The following GPATCH2 variants were observed in gnomAD, a reference collection of about 807,000 sequenced individuals.
GPATCH2 encodes G-patch domain containing 2.
A neutral mutation model predicts 58.0 loss-of-function variants in GPATCH2; 51 were observed. The ratio of observed to expected loss-of-function variants is 0.88; its 90% CI spans 0.70 to 1.11. GPATCH2 has a LOEUF of 1.11. GPATCH2 is among the 50% of genes most tolerant of loss of function. The pLI is 0.00. For missense variants in GPATCH2, 625 were observed against 652.2 expected (o/e 0.96, Z 0.45); for synonymous variants, 222 against 218.5 (o/e 1.02, Z -0.14).
intron 2 of GPATCH2, among the ~76,000 whole-genome samples, chr1:217,615,264 T>C (rs1237358697): frequency 2.0e-5 from 3 of 152,042 alleles, no homozygotes; most frequent in African/African-American, 7.2e-5. Context: ...TTCGATTTCT[T>C]AAAAAATAAA....
At chr1:217,567,068 C>CG (rs1666282243) in intron 5 of GPATCH2, among the ~76,000 whole-genome samples, 1 of 112,930 alleles carries the variant, frequency 8.9e-6, no homozygotes, top group Admixed American at 1.0e-4. Flanking sequence ...TTTTTTGAGA[C>CG]GGAGTTTTGC....
At chr1:217,586,327 T>C (rs1667338616) in intron 5 of GPATCH2, among the ~76,000 whole-genome samples, 2 of 152,210 alleles carry the variant, frequency 1.3e-5, no homozygotes, top group Non-Finnish European at 2.9e-5. Context: ...TTTTCTTCCT[T>C]TATATTCTTG....
intron 5 of GPATCH2, among the ~76,000 whole-genome samples, chr1:217,544,394 A>C (rs546521182): frequency 1.4e-5 from 2 of 147,910 alleles, no homozygotes; most frequent in African/African-American, 5.3e-5. Context: ...CTCTGTTCCA[A>C]AAACAAACAA....
intron 5 of GPATCH2, among the ~76,000 whole-genome samples, chr1:217,520,073 A>G (rs1663374262): frequency 6.6e-6 from 1 of 152,188 alleles, no homozygotes; most frequent in Non-Finnish European, 1.5e-5. Context: ...TAAAGTAAAA[A>G]TGTGTTTATA....
In GPATCH2 at chr1:217,577,241, GTTATC is replaced by G. The variant is rs1233541611; in HGVS notation, c.1098+33075_1098+33079del. On this transcript the variant is annotated intron_variant, in intron 5 of 9. Coordinates refer to ENST00000366935, the MANE Select transcript of GPATCH2 (RefSeq NM_018040.5). ...AATTCCCCAATCAAATTTTGAAAAT[GTTATC>G]TTTTCTTAAAAAGTAAGAATAATAC... Among the ~76,000 whole-genome samples, 8 of 152,248 alleles carry G rather than the reference GTTATC, an allele frequency of 5.3e-5. No individual in the cohort carries two copies. The South Asian group carries it at 1.7e-3, about 32-fold the overall frequency.
intron 8 of GPATCH2, among the ~76,000 whole-genome samples, chr1:217,455,407 A>G (rs945678811): frequency 5.9e-5 from 9 of 151,990 alleles, no homozygotes; most frequent in Admixed American, 6.6e-5. Context: ...TCTTGACTCT[A>G]TGTTGATTAA....
At chr1:217,559,470 A>G (rs1440357129) in intron 5 of GPATCH2, among the ~76,000 whole-genome samples, 1 of 152,218 alleles carries the variant, frequency 6.6e-6, no homozygotes, top group Non-Finnish European at 1.5e-5. Context: ...AGCTGGCTAC[A>G]GTCCTATTTC....
intron 5 of GPATCH2, among the ~76,000 whole-genome samples, chr1:217,538,309 T>C (rs1664575516): frequency 6.6e-6 from 1 of 152,234 alleles, no homozygotes; most frequent in Non-Finnish European, 1.5e-5. Flanking sequence ...ATTACATCAA[T>C]CTTGTTTAAG....
At chr1:217,455,436 C>A (rs1367143122) in intron 8 of GPATCH2, among the ~76,000 whole-genome samples, 1 of 152,180 alleles carries the variant, frequency 6.6e-6, no homozygotes, top group Non-Finnish European at 1.5e-5. Context: ...CACATGTAGT[C>A]TGAGGCTCTA....
chr1:217,443,816 T>G (rs1455261649), intron 9 of GPATCH2, among the ~76,000 whole-genome samples: 1 of 152,224 alleles, frequency 6.6e-6, no homozygotes, highest in African/African-American at 2.4e-5. Flanking sequence ...ATTCAGTGAT[T>G]TGCACAGTTT....
chr1:217,501,466 T>A (rs910186261), intron 6 of GPATCH2, among the ~76,000 whole-genome samples: 1 of 151,988 alleles, frequency 6.6e-6, no homozygotes, highest in African/African-American at 2.4e-5. Context: ...TGACCAAGAG[T>A]GCAATTGCTG....
chr1:217,518,956 C>T (rs1026672704), intron 5 of GPATCH2, among the ~76,000 whole-genome samples: 3 of 152,210 alleles, frequency 2.0e-5, no homozygotes, highest in African/African-American at 7.2e-5. Flanking sequence ...ACTGCCTCAG[C>T]CTCCCGGCCA....
Position 217,610,966 on chromosome 1 carries a change from T to C in GPATCH2, c.941A>G (p.Asp314Gly). Reference protein sequence around the residue: ...WWEKEDPTELDKNVPDPVFES... With the variant: ...WWEKEDPTELGKNVPDPVFES... ...AAAGACAGGATCTGGTACATTTTTG[T>C]CTAGCTCAGTAGGATCTTCCTTTTC... The change falls in exon 4 of 10, where the codon GAC becomes GGC. Residue 314 changes from aspartate to glycine, a missense_variant. Asp to Gly is a moderately conservative substitution (Grantham distance 94). Transcript: ENST00000366935. The C allele has an allele frequency of 6.2e-7, 1 of 1,613,590 alleles. No homozygotes were observed. Among genetic ancestry groups the C allele is most frequent in the South Asian group, 1.1e-5 (1 of 91,068 alleles).
At chr1:217,625,351 G>A (rs1010067698) in intron 1 of GPATCH2, among the ~76,000 whole-genome samples, 1 of 152,118 alleles carries the variant, frequency 6.6e-6, no homozygotes, top group Non-Finnish European at 1.5e-5. Context: ...AGATGCTTTA[G>A]TCCTAACTTA....
At chr1:217,432,888 ATAC>A (rs1366260890) in intron 9 of GPATCH2, among the ~76,000 whole-genome samples, 4 of 152,176 alleles carry the variant, frequency 2.6e-5, no homozygotes, top group African/African-American at 9.7e-5. Context: ...TAGGCCTCCT[ATAC>A]TACACTTTCC....
At chr1:217,536,415 C>G (rs1038534637) in intron 5 of GPATCH2, among the ~76,000 whole-genome samples, 6 of 152,180 alleles carry the variant, frequency 3.9e-5, no homozygotes, top group Non-Finnish European at 7.4e-5. Context: ...GTGCCAGAAA[C>G]TGCCATTCTT....
At chr1:217,511,445 G>C (rs890820065) in intron 6 of GPATCH2, among the ~76,000 whole-genome samples, 1 of 152,192 alleles carries the variant, frequency 6.6e-6, no homozygotes, top group African/African-American at 2.4e-5. Flanking sequence ...GATTCTGCTA[G>C]AAATTATTTG....
At chr1:217,594,943 C>T (rs976068884) in intron 5 of GPATCH2, among the ~76,000 whole-genome samples, 7 of 152,124 alleles carry the variant, frequency 4.6e-5, no homozygotes, top group South Asian at 2.1e-4. Flanking sequence ...ACAGCTGGCA[C>T]CTTTAAGGAG....
chr1:217,556,959 T>C (rs1168818333), intron 5 of GPATCH2, among the ~76,000 whole-genome samples: 2 of 152,240 alleles, frequency 1.3e-5, no homozygotes. Flanking sequence ...ACACATATCA[T>C]GTTTATAGAT....
Sources: allele counts gnomAD v4.1 joint callset (sites outside exome capture counted in the v4.1 genomes callset), GRCh38; gene constraint gnomAD v4.1.1; transcripts MANE v1.5; gene names NCBI Gene and HGNC (gene_info 2026-07-23, HGNC 2026-07-21).